The following PROK2 variants were observed in gnomAD, a reference collection of about 807,000 sequenced individuals.
PROK2 encodes prokineticin 2.
PROK2 carries 8 observed loss-of-function variants against 14.2 expected under a neutral mutation model. That is an observed-to-expected ratio of 0.56 (90% CI 0.33 to 1.02). The LOEUF is 1.02. Ranked by LOEUF, PROK2 falls within the 50% of genes least tolerant of loss-of-function variation. The pLI, the probability that PROK2 is intolerant of heterozygous loss-of-function variation, is 0.03. For missense variants in PROK2, 154 were observed against 160.4 expected (o/e 0.96, Z 0.22); for synonymous variants, 59 against 60.7 (o/e 0.97, Z 0.13).
intron 2 of PROK2, among the ~76,000 whole-genome samples, chr3:71,778,014 T>C (rs529733574): frequency 3.2e-4 from 49 of 151,910 alleles, no homozygotes; most frequent in Non-Finnish European, 6.8e-4. Context: ...GCTAACAAGG[T>C]GAAACCCCGT....
chr3:71,785,088 T>C lies in PROK2; in HGVS notation c.-36A>G. 4 of 1,209,620 alleles carry C rather than the reference T, an allele frequency of 3.3e-6. No homozygotes were observed. Among genetic ancestry groups the C allele is most frequent in the Non-Finnish European group, 4.1e-6 (4 of 965,902 alleles). The allele number at this position is 1,209,620 out of a possible 1,614,324, so 74.9% of individuals were successfully genotyped here. On this transcript the variant is annotated 5_prime_UTR_variant, in exon 1 of 4. Coordinates refer to ENST00000295619, the MANE Select transcript of PROK2 (RefSeq NM_001126128.2). ...GGACTGGGCGGCCGCCGGAGGCAGTTGGGGGCGCGGGGCCCGGGTGCGCTG... is the reference window on the plus strand; with the variant it reads ...GGACTGGGCGGCCGCCGGAGGCAGTCGGGGGCGCGGGGCCCGGGTGCGCTG...
rs563406327 is a variant in PROK2 at position 71,772,504 on chromosome 3, G to C, written c.*220C>G. ...AACACAAACAGGGAAATAAGAACCA[G>C]TTCCATAATGCCTTACACTTCATAT... On this transcript the variant is annotated 3_prime_UTR_variant, in exon 4 of 4. Coordinates refer to ENST00000295619, the MANE Select transcript of PROK2 (RefSeq NM_001126128.2). The C allele has an allele frequency of 4.0e-6, 2 of 503,650 alleles. No homozygotes were observed. The highest frequency in any genetic ancestry group is 7.5e-5 in the Admixed American group (2 of 26,662). The allele number at this position is 503,650 out of a possible 1,614,324, so 31.2% of individuals were successfully genotyped here.
intron 1 of PROK2, 94 bp from the exon 2 acceptor site, chr3:71,781,686 C>G: frequency 2.3e-6 from 3 of 1,322,484 alleles, no homozygotes; most frequent in Non-Finnish European, 3.2e-6. Context: ...CTTTAAATAT[C>G]TAAACACTTG....
At chr3:71,773,081 G>A (rs1378874819) in intron 3 of PROK2, among the ~76,000 whole-genome samples, 2 of 152,322 alleles carry the variant, frequency 1.3e-5, no homozygotes, top group East Asian at 1.9e-4. Context: ...CCGTGTTCAA[G>A]CGATTCTTCT....
chr3:71,783,790 C>G (rs7635127), intron 1 of PROK2, among the ~76,000 whole-genome samples: 1 of 152,130 alleles, frequency 6.6e-6, no homozygotes, highest in Non-Finnish European at 1.5e-5. Context: ...CAAAGCTATG[C>G]AAGTAATTTT....
Position 71,782,375 on chromosome 3 carries a change from T to C in PROK2, c.97-783A>G, listed in dbSNP as rs185647362. On this transcript the variant is annotated intron_variant, in intron 1 of 3. Coordinates refer to ENST00000295619, the MANE Select transcript of PROK2 (RefSeq NM_001126128.2). Reference sequence around the variant, plus strand: ...TAAGAAATGCAAGTAACAGGTGCAATTGTCAATAGTAATTACTCAAGTCAC... The same window carrying C: ...TAAGAAATGCAAGTAACAGGTGCAACTGTCAATAGTAATTACTCAAGTCAC... 4.2e-3 allele frequency among the ~76,000 whole-genome samples: 639 copies of C among 152,284 alleles called. 3 individuals carry two copies. Among genetic ancestry groups the C allele is most frequent in the African/African-American group, 0.014 (602 of 41,560 alleles).
chr3:71,784,756 C>A (rs2050198034), intron 1 of PROK2, among the ~76,000 whole-genome samples: 2 of 152,208 alleles, frequency 1.3e-5, no homozygotes, highest in South Asian at 4.1e-4. Context: ...TCTTCCAGGA[C>A]GCGCCCAGTG....
In PROK2 at chr3:71,774,507, T is replaced by C; in HGVS notation, c.223A>G (p.Asn75Asp). 1.9e-6 allele frequency: 3 copies of C among 1,551,076 alleles called. No homozygotes were observed. Among genetic ancestry groups the C allele is most frequent in the Non-Finnish European group, 2.6e-6 (3 of 1,146,688 alleles). ...TCCTGCCTTCCATTTCCAAAATTGT[T>C]CTGGAAGGGCCAGGGAGACGATTGA... ...GDSCHPLTRK[N>D]NFGNGRQERR... Residue 75 changes from asparagine (N) to aspartate (D), a missense_variant and splice_region_variant, in exon 3 of 4, where the codon AAC (asparagine) becomes GAC (aspartate). By Grantham distance (23) the Asn-to-Asp change is conservative (BLOSUM62 1). Transcript: ENST00000295619.
chr3:71,784,432 G>T (rs531030878), intron 1 of PROK2, among the ~76,000 whole-genome samples: 3 of 152,176 alleles, frequency 2.0e-5, no homozygotes, highest in African/African-American at 7.2e-5. Context: ...TTTTCAAAGC[G>T]CTCACATGGC....
chr3:71,779,252 C>G (rs2050143484), intron 2 of PROK2, among the ~76,000 whole-genome samples: 1 of 152,196 alleles, frequency 6.6e-6, no homozygotes, highest in South Asian at 2.1e-4. Flanking sequence ...TCAAATTAAA[C>G]CCAACGACTG....
chr3:71,785,064 G>C lies in PROK2; in HGVS notation c.-12C>G. 1 of 1,234,720 alleles carries C rather than the reference G, an allele frequency of 8.1e-7. No individual in the cohort carries two copies. The highest frequency in any genetic ancestry group is 1.0e-6 in the Non-Finnish European group (1 of 985,256). The allele number at this position is 1,234,720 out of a possible 1,614,324, so 76.5% of individuals were successfully genotyped here. On this transcript the variant is annotated 5_prime_UTR_variant, in exon 1 of 4. Transcript: ENST00000295619. ...CACAGGCTCCTCATGGCGCCCTCGGGACTGGGCGGCCGCCGGAGGCAGTTG... is the reference window on the plus strand; with the variant it reads ...CACAGGCTCCTCATGGCGCCCTCGGCACTGGGCGGCCGCCGGAGGCAGTTG...
At chr3:71,776,723 G>A (rs955696519) in intron 2 of PROK2, among the ~76,000 whole-genome samples, 8 of 152,092 alleles carry the variant, frequency 5.3e-5, no homozygotes, top group African/African-American at 1.9e-4. Context: ...ATGCTTGTCC[G>A]TTTCTTGACT....
chr3:71,774,499 A>C lies in PROK2; in HGVS notation c.231T>G (p.Phe77Leu). Reference protein sequence around the residue: ...SCHPLTRKNNFGNGRQERRKR... With the variant: ...SCHPLTRKNNLGNGRQERRKR... ...TTCTTCTTTCCTGCCTTCCATTTCC[A>C]AAATTGTTCTGGAAGGGCCAGGGAG... is the stretch of plus-strand genomic sequence containing the variant. The change falls in exon 3 of 4, where the codon TTT becomes TTG. Residue 77 changes from phenylalanine (F) to leucine (L), a missense_variant. Coordinates refer to ENST00000295619, the MANE Select transcript of PROK2 (RefSeq NM_001126128.2). The C allele has an allele frequency of 6.4e-7, 1 of 1,551,062 alleles. No homozygotes were observed. Among genetic ancestry groups the C allele is most frequent in the East Asian group, 2.4e-5 (1 of 40,892 alleles).
rs1279771143 is a variant in PROK2, at chr3:71,772,611, AG to A, written c.*112del. The A allele has an allele frequency of 5.5e-5, 48 of 872,676 alleles. No individual in the cohort carries two copies. In the African/African-American group the frequency reaches 7.5e-4, roughly 14 times the overall value. 54.1% of individuals were successfully genotyped at this position (872,676 alleles called of 1,614,324 possible). A position where few individuals can be genotyped will look rare whatever the true frequency, so the allele number is the denominator to read the frequency against. ...TCAAAGATAAAAATGTTACTTGGAAAGTTGAGGAAGCAAGAGCATTTCTTTC... is the reference window on the plus strand; with the variant it reads ...TCAAAGATAAAAATGTTACTTGGAAATTGAGGAAGCAAGAGCATTTCTTTC... On this transcript the variant is annotated 3_prime_UTR_variant, in exon 4 of 4. Coordinates refer to ENST00000295619, the MANE Select transcript of PROK2 (RefSeq NM_001126128.2).
chr3:71,774,600 G>A (rs1339409915), intron 2 of PROK2, 93 bp from the exon 3 acceptor site: 27 of 1,456,720 alleles, frequency 1.9e-5, no homozygotes, highest in Middle Eastern at 1.9e-4. Flanking sequence ...GTGAACTGGC[G>A]GAGCAAGATA....
At chr3:71,780,499 T>C (rs2050152675) in intron 2 of PROK2, among the ~76,000 whole-genome samples, 2 of 152,266 alleles carry the variant, frequency 1.3e-5, no homozygotes, top group South Asian at 4.1e-4. Flanking sequence ...AAAGAAAGTA[T>C]ACAATGTGTA....
intron 2 of PROK2, among the ~76,000 whole-genome samples, chr3:71,778,490 T>C (rs184283296): frequency 2.0e-3 from 310 of 152,270 alleles, no homozygotes; most frequent in Non-Finnish European, 2.9e-3. Context: ...CTCCTATCTA[T>C]GGTTCTCAGT....
At chr3:71,781,125 C>G (rs943507811) in intron 2 of PROK2, among the ~76,000 whole-genome samples, 1 of 152,144 alleles carries the variant, frequency 6.6e-6, no homozygotes, top group African/African-American at 2.4e-5. Flanking sequence ...TTAAGAACTT[C>G]TATACTCAGA....
chr3:71,775,765 CCA>C (rs2108191317), intron 2 of PROK2, among the ~76,000 whole-genome samples: 1 of 152,308 alleles, frequency 6.6e-6, no homozygotes. Flanking sequence ...AGCCCAGACT[CCA>C]GACTCTCTAA....
Sources: gnomAD v4.1 joint callset for allele counts (sites outside exome capture counted in the v4.1 genomes callset) on GRCh38, gnomAD v4.1.1 for gene constraint, MANE v1.5 for transcripts, NCBI Gene and HGNC (gene_info 2026-07-23, HGNC 2026-07-21) for gene names.